The following MED27 variants were observed in gnomAD, a reference collection of about 807,000 sequenced individuals.
MED27 encodes the protein mediator complex subunit 27, also known as mediator of RNA polymerase II transcription subunit 27.
Under a neutral mutation model 38.2 loss-of-function variants are expected in MED27, and 30 were observed. The ratio of observed to expected loss-of-function variants is 0.79; its 90% CI spans 0.59 to 1.07. The LOEUF (loss-of-function observed/expected upper bound fraction) is 1.07, where lower values mean the gene tolerates loss of function less well. Among genes scored for constraint, MED27 ranks in the 50% least tolerant of loss-of-function variants. The pLI, the probability that MED27 is intolerant of heterozygous loss-of-function variation, is 0.00. For missense variants in MED27, 289 were observed against 397.5 expected, an observed-to-expected ratio of 0.73 and a Z score of 2.32; for synonymous variants, 122 against 153.5, an observed-to-expected ratio of 0.79 and a Z score of 1.52.
At chr9:131,922,068 T>C (rs1183452006) in intron 4 of MED27, among the ~76,000 whole-genome samples, 2 of 151,620 alleles carry the variant, frequency 1.3e-5, no homozygotes, top group Non-Finnish European at 2.9e-5. Context: ...AAATACCTAA[T>C]GTAAATGACG....
At chr9:131,867,485 C>T (rs767146894) in intron 6 of MED27, among the ~76,000 whole-genome samples, 1 of 152,262 alleles carries the variant, frequency 6.6e-6, no homozygotes. Context: ...GACCAATCTG[C>T]CTCCTTGGAT....
chr9:131,868,932 G>A (rs985686018), intron 6 of MED27: 4 of 985,346 alleles, frequency 4.1e-6, no homozygotes, highest in Non-Finnish European at 3.6e-6. Context: ...AGAGGCGGCG[G>A]GAGCCATGCG....
chr9:132,007,483 G>T (rs1241015625), intron 3 of MED27, among the ~76,000 whole-genome samples: 1 of 152,186 alleles, frequency 6.6e-6, no homozygotes, highest in Non-Finnish European at 1.5e-5. Context: ...TTATACAGAA[G>T]TTCCAGAAGA....
chr9:132,075,320 T>C (rs988131496), intron 2 of MED27, among the ~76,000 whole-genome samples: 8 of 152,292 alleles, frequency 5.3e-5, no homozygotes, highest in African/African-American at 1.9e-4. Context: ...AATAAGGGGC[T>C]GAGTCTCTTA....
At chr9:131,947,553 C>T (rs1173047825) in intron 3 of MED27, among the ~76,000 whole-genome samples, 2 of 152,146 alleles carry the variant, frequency 1.3e-5, no homozygotes, top group African/African-American at 4.8e-5. Flanking sequence ...AAAGATATCG[C>T]CTTTGCAAAA....
chr9:131,864,486 CA>C (rs1383199878), intron 6 of MED27, among the ~76,000 whole-genome samples: 1 of 152,114 alleles, frequency 6.6e-6, no homozygotes, highest in Non-Finnish European at 1.5e-5. Flanking sequence ...TCAAACAAAA[CA>C]AAATGAAAAA....
chr9:131,917,002 T>C lies in MED27; in HGVS notation c.573+22379A>G, dbSNP rs1022188859. The stretch of plus-strand genomic sequence containing the variant: ...CCATCTCAAAGAATGCACAGCCGTT[T>C]TGCCAGAAGGGGCAGCAGGTGGAGA... On this transcript the variant is annotated intron_variant, in intron 4 of 7. Coordinates refer to ENST00000292035, the MANE Select transcript of MED27 (RefSeq NM_004269.4). The surrounding 1 kb of genome is among the most constrained non-coding windows in gnomAD (Gnocchi z 4.6). Among the ~76,000 whole-genome samples the C allele has an allele frequency of 1.3e-5, 2 of 152,192 alleles. No individual in the cohort carries two copies. The highest frequency in any genetic ancestry group is 4.8e-5 in the African/African-American group (2 of 41,448).
chr9:131,999,340 T>A (rs1160052018), intron 3 of MED27, among the ~76,000 whole-genome samples: 1 of 152,142 alleles, frequency 6.6e-6, no homozygotes, highest in African/African-American at 2.4e-5. Flanking sequence ...TCATGATGTG[T>A]CCATCAATGT....
chr9:132,046,669 T>C (rs1254389448), intron 2 of MED27, among the ~76,000 whole-genome samples: 1 of 152,148 alleles, frequency 6.6e-6, no homozygotes, highest in African/African-American at 2.4e-5. Flanking sequence ...ACACTGGCAT[T>C]AGCAGCTGCA....
intron 3 of MED27, among the ~76,000 whole-genome samples, chr9:131,975,758 G>A (rs1161922102): frequency 6.6e-6 from 1 of 152,206 alleles, no homozygotes; most frequent in Non-Finnish European, 1.5e-5. Context: ...ATGTCATCAG[G>A]ATCAACTGGC....
chr9:131,884,605 C>CTTTTTTT (rs11331082), intron 5 of MED27, among the ~76,000 whole-genome samples: 1 of 122,678 alleles, frequency 8.2e-6, no homozygotes, highest in Non-Finnish European at 1.7e-5. Flanking sequence ...ATTCTCTTTA[C>CTTTTTTT]TTTTTTTTTT....
At chr9:132,023,759 T>C (rs189674475) in intron 2 of MED27, among the ~76,000 whole-genome samples, 4 of 152,230 alleles carry the variant, frequency 2.6e-5, no homozygotes, top group Non-Finnish European at 5.9e-5. Context: ...CAGGGAGCCA[T>C]ATAATCACTG....
At chr9:131,866,039 C>T (rs1044451193) in intron 6 of MED27, among the ~76,000 whole-genome samples, 6 of 152,222 alleles carry the variant, frequency 3.9e-5, no homozygotes, top group African/African-American at 1.4e-4. Context: ...CCAGCCTACT[C>T]CACTCATCAG....
chr9:132,040,669 G>T (rs563430493), intron 2 of MED27, among the ~76,000 whole-genome samples: 1 of 152,296 alleles, frequency 6.6e-6, no homozygotes, highest in South Asian at 2.1e-4. Flanking sequence ...GGACATGAAG[G>T]TCCCAGCAAG....
chr9:131,915,715 C>T (rs1332588090), intron 4 of MED27, among the ~76,000 whole-genome samples: 4 of 152,212 alleles, frequency 2.6e-5, no homozygotes, highest in Non-Finnish European at 1.5e-5. Context: ...CAGCTGTAAG[C>T]AATGCTATCT....
At chr9:132,039,866 T>G (rs1310101393) in intron 2 of MED27, among the ~76,000 whole-genome samples, 2 of 152,204 alleles carry the variant, frequency 1.3e-5, no homozygotes, top group Non-Finnish European at 2.9e-5. Flanking sequence ...CCTCTGTGAC[T>G]GCAGGTCCCT....
intron 2 of MED27, among the ~76,000 whole-genome samples, chr9:132,071,819 ATAAG>A (rs1039054629): frequency 6.7e-6 from 1 of 150,010 alleles, no homozygotes; most frequent in African/African-American, 2.5e-5. Context: ...TGCACGCCCC[ATAAG>A]TGAGTACACA....
At chr9:132,027,865 A>G (rs2131098038) in intron 2 of MED27, among the ~76,000 whole-genome samples, 1 of 152,342 alleles carries the variant, frequency 6.6e-6, no homozygotes, top group African/African-American at 2.4e-5. Context: ...TCAGATGCCC[A>G]AAGCTTTGAT....
intron 3 of MED27, among the ~76,000 whole-genome samples, chr9:131,974,120 T>C (rs544929838): frequency 6.6e-6 from 1 of 152,228 alleles, no homozygotes; most frequent in Admixed American, 6.5e-5. Context: ...TTTTCCTTCC[T>C]TAGTGGAACA....
Sources: allele counts gnomAD v4.1 joint callset (sites outside exome capture counted in the v4.1 genomes callset), GRCh38; gene constraint gnomAD v4.1.1; non-coding constraint Gnocchi (gnomAD v3.1); transcripts MANE v1.5; gene names NCBI Gene and HGNC (gene_info 2026-07-23, HGNC 2026-07-21).